The following SIRT2 variants were observed in gnomAD, a reference collection of about 807,000 sequenced individuals.
SIRT2 encodes NAD-dependent protein deacetylase sirtuin-2.
SIRT2 carries 40 observed loss-of-function variants against 57.4 expected under a neutral mutation model. That is an observed-to-expected ratio of 0.70 (90% CI 0.54 to 0.91). SIRT2 has a LOEUF of 0.91. SIRT2 is among the 40% of genes least tolerant of loss of function. SIRT2 has a pLI of 0.00. For missense variants in SIRT2, 439 were observed against 510.4 expected, an observed-to-expected ratio of 0.86 and a Z score of 1.35; for synonymous variants, 161 against 195.7, an observed-to-expected ratio of 0.82 and a Z score of 1.48.
intron 8 of SIRT2, among the ~76,000 whole-genome samples, chr19:38,884,311 G>C (rs775266608): frequency 1.3e-5 from 2 of 152,168 alleles, no homozygotes; most frequent in Non-Finnish European, 2.9e-5. Context: ...CATTTACAAT[G>C]TCTCTGTTAT....
At chr19:38,893,673 C>T (rs530820556) in intron 3 of SIRT2, 146 bp from the exon 4 acceptor site, 2 of 1,219,962 alleles carry the variant, frequency 1.6e-6, no homozygotes, top group East Asian at 2.3e-5. Context: ...CCTCCAGGAG[C>T]CTGCTCTGGC....
intron 2 of SIRT2, chr19:38,894,376 C>T: frequency 5.1e-6 from 1 of 195,174 alleles, no homozygotes; most frequent in African/African-American, 2.4e-5. Flanking sequence ...TCCCAAAGTG[C>T]TGGGATTACA....
At chr19:38,881,338 AG>A in intron 10 of SIRT2, 93 bp downstream of exon 10, 1 of 1,249,094 alleles carries the variant, frequency 8.0e-7, no homozygotes, top group Non-Finnish European at 1.2e-6. Flanking sequence ...AGAGGTGGCC[AG>A]ATGTGTGCGG....
In SIRT2 at chr19:38,892,934, T is replaced by G. The variant is rs140799464; in HGVS notation, c.226+480A>C. On this transcript the variant is annotated intron_variant, in intron 4 of 15. Transcript: ENST00000249396. The stretch of plus-strand genomic sequence containing the variant: ...CTTATGAGTTAGATACTATAATCAT[T>G]ATCCTCATTTTATGAAACAGGCCTG... Among the ~76,000 whole-genome samples the G allele has an allele frequency of 1.1e-4, 16 of 152,330 alleles. No homozygotes were observed. The East Asian group carries it at 3.1e-3, about 29-fold the overall frequency.
Position 38,893,697 on chromosome 19 carries a change from C to T in SIRT2, c.112+122G>A, listed in dbSNP as rs10427134. The T allele has an allele frequency of 3.6e-3, 4,835 of 1,331,612 alleles. 109 individuals carry two copies. The African/African-American group carries it at 0.053, about 15-fold the overall frequency. 82.5% of individuals were successfully genotyped at this position (1,331,612 alleles called of 1,614,324 possible). ...GCCTGCTCTGGCACTGGTACCCAAC[C>T]CACTGCTACATACTTTGGATGTCAC... On this transcript the variant is annotated intron_variant, in intron 3 of 15. Coordinates refer to ENST00000249396, the MANE Select transcript of SIRT2 (RefSeq NM_012237.4).
At chr19:38,888,570 G>A (rs1973415745) in intron 8 of SIRT2, among the ~76,000 whole-genome samples, 1 of 152,150 alleles carries the variant, frequency 6.6e-6, no homozygotes, top group Admixed American at 6.5e-5. Flanking sequence ...GAGGCCCTTG[G>A]CTAAGCACCT....
intron 8 of SIRT2, among the ~76,000 whole-genome samples, chr19:38,885,229 G>A (rs922851436): frequency 6.6e-6 from 1 of 152,026 alleles, no homozygotes; most frequent in East Asian, 1.9e-4. Context: ...GGGACTACAG[G>A]CAAATGCCAC....
chr19:38,885,161 C>G (rs12461582), intron 8 of SIRT2, among the ~76,000 whole-genome samples: 63,773 of 151,732 alleles, frequency 0.42, 15,479 homozygotes, highest in Middle Eastern at 0.59. Context: ...TCACAGCTCA[C>G]TGTAGCCTTC....
intron 2 of SIRT2, 22 bp from the exon 3 acceptor site, chr19:38,893,889 G>A: frequency 6.2e-7 from 1 of 1,613,968 alleles, no homozygotes; most frequent in Non-Finnish European, 8.5e-7. Context: ...GGGGTGGAGT[G>A]GCCAGGCCCG....
intron 8 of SIRT2, among the ~76,000 whole-genome samples, chr19:38,888,576 C>T (rs1973415853): frequency 6.6e-6 from 1 of 152,190 alleles, no homozygotes; most frequent in South Asian, 2.1e-4. Context: ...CTTGGCTAAG[C>T]ACCTGACGTG....
intron 2 of SIRT2, chr19:38,894,813 T>G (rs772993791): frequency 2.0e-5 from 9 of 456,174 alleles, no homozygotes; most frequent in Non-Finnish European, 8.8e-6. Context: ...CTGCTTTCTC[T>G]TTCCACTTTC....
chr19:38,893,016 A>G (rs987742450), intron 4 of SIRT2, among the ~76,000 whole-genome samples: 1 of 152,128 alleles, frequency 6.6e-6, no homozygotes. Flanking sequence ...GGTCTGGCCA[A>G]TCAGAGGCAT....
At position 38,880,507 on chromosome 19, in the gene SIRT2, C is replaced by T; in HGVS notation, c.876+178G>A. ...TTGAGTTGGAATTCTATCACTTGCT[C>T]AAAAGGGCAGTGAATGTCCCAGAGG... On this transcript the variant is annotated intron_variant, in intron 13 of 15. Transcript: ENST00000249396. This position sits in a 1 kb window ranked among gnomAD's most constrained non-coding sequence, Gnocchi z 4.1. The T allele has an allele frequency of 1.8e-6, 1 of 552,464 alleles. No individual in the cohort carries two copies. Among genetic ancestry groups the T allele is most frequent in the Non-Finnish European group, 3.2e-6 (1 of 312,448 alleles). 34.2% of individuals were successfully genotyped at this position (552,464 alleles called of 1,614,324 possible). A position where few individuals can be genotyped will look rare whatever the true frequency, so the allele number is the denominator to read the frequency against.
chr19:38,896,364 A>G (rs1290571595), intron 2 of SIRT2, among the ~76,000 whole-genome samples: 1 of 152,222 alleles, frequency 6.6e-6, no homozygotes, highest in Non-Finnish European at 1.5e-5. Context: ...ACAATATGCT[A>G]CAGACCCACC....
At chr19:38,888,055 C>T (rs1973399503) in intron 8 of SIRT2, among the ~76,000 whole-genome samples, 1 of 151,704 alleles carries the variant, frequency 6.6e-6, no homozygotes, top group Non-Finnish European at 1.5e-5. Context: ...CGCCCGGCCA[C>T]CTGTTTTATA....
chr19:38,887,290 A>C (rs541501351), intron 8 of SIRT2, among the ~76,000 whole-genome samples: 1 of 152,278 alleles, frequency 6.6e-6, no homozygotes, highest in South Asian at 2.1e-4. Flanking sequence ...CAACTCAGTG[A>C]ACATTTACTT....
rs1973610123 is a variant in SIRT2, at chr19:38,893,452, G to T, written c.188C>A (p.Thr63Asn). 1.1e-5 allele frequency: 17 copies of T among 1,614,000 alleles called. No homozygotes were observed. The highest frequency in any genetic ancestry group is 1.4e-5 in the Non-Finnish European group (17 of 1,179,920). Residue 63 changes from threonine (T) to asparagine (N), a missense_variant, in exon 4 of 16, where the codon ACC becomes AAC. Physicochemically the swap from Thr to Asn is moderately conservative, Grantham distance 65. Coordinates refer to ENST00000249396, the MANE Select transcript of SIRT2 (RefSeq NM_012237.4). ...SQKERLLDEL[T>N]LEGVARYMQS... ...CATGTACCGGGCCACCCCTTCCAAG[G>T]TCAGCTCGTCCAGCAGACGCTCCTT...
chr19:38,894,380 G>A (rs959647753), intron 2 of SIRT2: 7 of 197,998 alleles, frequency 3.5e-5, no homozygotes, highest in Admixed American at 2.1e-4. Flanking sequence ...AAAGTGCTGG[G>A]ATTACAGGCG....
chr19:38,891,576 A>G (rs1043777342), intron 4 of SIRT2, among the ~76,000 whole-genome samples: 6 of 151,974 alleles, frequency 3.9e-5, no homozygotes, highest in Non-Finnish European at 8.8e-5. Context: ...AAATTTTTAG[A>G]GCAGTGAGGT....
Sources: gnomAD v4.1 joint callset for allele counts (sites outside exome capture counted in the v4.1 genomes callset) on GRCh38, gnomAD v4.1.1 for gene constraint, Gnocchi (gnomAD v3.1) non-coding constraint, MANE v1.5 for transcripts, NCBI Gene and HGNC (gene_info 2026-07-23, HGNC 2026-07-21) for gene names.